The following IARS2 variants were observed in gnomAD, a reference collection of about 807,000 sequenced individuals.
IARS2 encodes isoleucyl-tRNA synthetase 2, mitochondrial.
A neutral mutation model predicts 126.3 loss-of-function variants in IARS2; 56 were observed. The ratio of observed to expected loss-of-function variants is 0.44; its 90% CI spans 0.36 to 0.55. IARS2 has a LOEUF of 0.55. Ranked by LOEUF, IARS2 falls within the 20% of genes least tolerant of loss-of-function variation. The probability of loss-of-function intolerance (pLI) is 0.00; values close to 1 mark genes in which losing one functional copy is unlikely to be tolerated. For synonymous variants in IARS2, 407 were observed against 441.1 expected, an observed-to-expected ratio of 0.92 and a Z score of 0.97; for missense variants, 1,127 against 1,245.9, an observed-to-expected ratio of 0.90 and a Z score of 1.44.
At chr1:220,104,388 C>G (rs1656638870) in intron 8 of IARS2, among the ~76,000 whole-genome samples, 1 of 151,954 alleles carries the variant, frequency 6.6e-6, no homozygotes, top group African/African-American at 2.4e-5. Context: ...TGTTGTTGTT[C>G]TTCATTTTGT....
intron 2 of IARS2, among the ~76,000 whole-genome samples, chr1:220,098,923 A>G (rs1356374517): frequency 6.6e-6 from 1 of 152,194 alleles, no homozygotes; most frequent in Non-Finnish European, 1.5e-5. Flanking sequence ...TAGAAATACA[A>G]TGCAAGCGGC....
chr1:220,136,804 T>C lies in IARS2; in HGVS notation c.1947-5T>C. 1 of 1,510,252 alleles carries C rather than the reference T, an allele frequency of 6.6e-7. No homozygotes were observed. The highest frequency in any genetic ancestry group is 9.2e-7 in the Non-Finnish European group (1 of 1,088,324). 93.6% of individuals were successfully genotyped at this position (1,510,252 alleles called of 1,614,324 possible). ...ATCATTAAAATAGCTGATTTGTCCCTTTAGGACAGTGATTGTTCATGGATT... is the reference window on the plus strand; with the variant it reads ...ATCATTAAAATAGCTGATTTGTCCCCTTAGGACAGTGATTGTTCATGGATT... On this transcript the variant is annotated splice_polypyrimidine_tract_variant and splice_region_variant and intron_variant, in intron 15 of 22. Coordinates refer to ENST00000366922, the MANE Select transcript of IARS2 (RefSeq NM_018060.4).
At chr1:220,142,865 G>A (rs1296256897) in intron 20 of IARS2, 79 bp from the exon 21 acceptor site, 10 of 893,478 alleles carry the variant, frequency 1.1e-5, no homozygotes, top group Non-Finnish European at 1.6e-5. Context: ...TCCCATTAAT[G>A]GTAACTATTT....
At position 220,115,681 on chromosome 1, in the gene IARS2, TG is replaced by T. The variant is rs373071235; in HGVS notation, c.1640+1208del. On this transcript the variant is annotated intron_variant, in intron 12 of 22. Transcript: ENST00000366922. ...TCTTTTATCCCGAACAGCTCCCTTT[TG>T]TGCTTTTCGAAAGAGAAGTTGCTTG... is the stretch of plus-strand genomic sequence containing the variant. Among the ~76,000 whole-genome samples the T allele has an allele frequency of 4.7e-3, 708 of 152,244 alleles. 6 individuals are homozygous for T. Among genetic ancestry groups the T allele is most frequent in the African/African-American group, 0.016 (675 of 41,570 alleles).
chr1:220,134,530 C>T lies in IARS2; in HGVS notation c.1946+20C>T, dbSNP rs1421247867. Reference sequence around the variant, plus strand: ...TTATAAGTAAGTATTTATGCCTGAACCAACCTGCTGAGTACCTGCCAGTGT... The same window carrying T: ...TTATAAGTAAGTATTTATGCCTGAATCAACCTGCTGAGTACCTGCCAGTGT... On this transcript the variant is annotated intron_variant, in intron 15 of 22. Coordinates refer to ENST00000366922, the MANE Select transcript of IARS2 (RefSeq NM_018060.4). 1.3e-6 allele frequency: 2 copies of T among 1,509,366 alleles called. No individual in the cohort carries two copies. The highest frequency in any genetic ancestry group is 1.8e-6 in the Non-Finnish European group (2 of 1,090,912). The allele number at this position is 1,509,366 out of a possible 1,614,324, so 93.5% of individuals were successfully genotyped here. A position where few individuals can be genotyped will look rare whatever the true frequency, so the allele number is the denominator to read the frequency against.
chr1:220,136,819 G>C lies in IARS2; in HGVS notation c.1957G>C (p.Val653Leu). Residue 653 changes from valine to leucine, a missense_variant, in exon 16 of 23, where the codon GTT becomes CTT. Coordinates refer to ENST00000366922, the MANE Select transcript of IARS2 (RefSeq NM_018060.4). Reference protein sequence around the residue: ...RKRAPYKTVIVHGFTLGEKGE... With the variant: ...RKRAPYKTVILHGFTLGEKGE... ...GATTTGTCCCTTTAGGACAGTGATTGTTCATGGATTTACCCTTGGAGAAAA... is the reference window on the plus strand; with the variant it reads ...GATTTGTCCCTTTAGGACAGTGATTCTTCATGGATTTACCCTTGGAGAAAA... 1 of 1,587,764 alleles carries C rather than the reference G, an allele frequency of 6.3e-7. No homozygotes were observed. Among genetic ancestry groups the C allele is most frequent in the East Asian group, 2.2e-5 (1 of 44,670 alleles).
intron 13 of IARS2, among the ~76,000 whole-genome samples, chr1:220,126,415 A>G (rs553718208): frequency 6.6e-6 from 1 of 152,368 alleles, no homozygotes; most frequent in Admixed American, 6.5e-5. Flanking sequence ...GTTAGAGAAC[A>G]GTGCCTAATG....
chr1:220,096,459 G>A (rs932727601), intron 2 of IARS2, among the ~76,000 whole-genome samples: 4 of 152,018 alleles, frequency 2.6e-5, no homozygotes, highest in African/African-American at 4.8e-5. Flanking sequence ...CATAATTATC[G>A]GGCGAGGCAT....
At chr1:220,129,008 G>A (rs1433817010) in intron 14 of IARS2, among the ~76,000 whole-genome samples, 2 of 151,624 alleles carry the variant, frequency 1.3e-5, no homozygotes, top group African/African-American at 4.9e-5. Context: ...TCTGCCTCCT[G>A]AGTAGCTGGG....
At chr1:220,143,930 TTTA>T (rs1657536416) in intron 21 of IARS2, 1 of 1,115,698 alleles carries the variant, frequency 9.0e-7, no homozygotes, top group Non-Finnish European at 1.3e-6. Flanking sequence ...CACGGGGCAT[TTTA>T]TTTGTAAATA....
intron 14 of IARS2, among the ~76,000 whole-genome samples, chr1:220,132,234 G>T (rs551146839): frequency 2.9e-4 from 44 of 152,262 alleles, no homozygotes; most frequent in African/African-American, 9.4e-4. Context: ...CCTCTTCGAT[G>T]CTCTGGAGTA....
intron 11 of IARS2, among the ~76,000 whole-genome samples, chr1:220,111,368 T>C (rs562737311): frequency 6.6e-6 from 1 of 152,264 alleles, no homozygotes; most frequent in African/African-American, 2.4e-5. Flanking sequence ...TAAAACTTTT[T>C]TAAACCCTTT....
Position 220,094,195 on chromosome 1 carries a change from C to T in IARS2, c.-22C>T, listed in dbSNP as rs768531507. ...AAGCTGGGGCGGGAGCGGAGGACCC[C>T]GCTCTCAGGGGTTGCCGGACCATGC... is the stretch of plus-strand genomic sequence containing the variant. On this transcript the variant is annotated 5_prime_UTR_variant, in exon 1 of 23. Transcript: ENST00000366922. The T allele has an allele frequency of 1.2e-5, 19 of 1,533,212 alleles. No homozygotes were observed. The highest frequency in any genetic ancestry group is 1.7e-5 in the Non-Finnish European group (19 of 1,144,394). 95.0% of individuals were successfully genotyped at this position (1,533,212 alleles called of 1,614,324 possible). A position where few individuals can be genotyped will look rare whatever the true frequency, so the allele number is the denominator to read the frequency against.
intron 14 of IARS2, among the ~76,000 whole-genome samples, chr1:220,127,958 T>G (rs1374936759): frequency 6.6e-6 from 1 of 152,182 alleles, no homozygotes; most frequent in African/African-American, 2.4e-5. Context: ...GGTACTTGGT[T>G]TCCCTAAATT....
chr1:220,121,157 T>A (rs1657043196), intron 12 of IARS2, among the ~76,000 whole-genome samples: 2 of 152,198 alleles, frequency 1.3e-5, no homozygotes, highest in African/African-American at 4.8e-5. Context: ...ATTGGATTTT[T>A]AAAAATAATT....
In IARS2 at chr1:220,105,916, C is replaced by A; in HGVS notation, c.1092C>A (p.Cys364Ter). 1 of 1,613,952 alleles carries A rather than the reference C, an allele frequency of 6.2e-7. No homozygotes were observed. The highest frequency in any genetic ancestry group is 8.5e-7 in the Non-Finnish European group (1 of 1,179,884). ...GTGTAGATTTGGAAAATGGTACTTG[C>A]AGTCATCCATTAATTCCTGATAAAG... ...LSGVDLENGT[C>*]SHPLIPDKAS... Residue 364 changes from cysteine (C) to a stop codon, truncating the protein, a stop_gained, in exon 9 of 23, where the codon TGC (cysteine) becomes TGA (stop). Transcript: ENST00000366922. LOFTEE classifies it high-confidence loss of function.
chr1:220,100,391 TTATG>T (rs1317347549), intron 2 of IARS2, 95 bp from the exon 3 acceptor site: 2 of 1,012,828 alleles, frequency 2.0e-6, no homozygotes, highest in East Asian at 5.3e-5. Context: ...GCCAAATATT[TTATG>T]TATGAATGCT....
chr1:220,108,320 C>T (rs768185640), intron 10 of IARS2, among the ~76,000 whole-genome samples: 1 of 151,724 alleles, frequency 6.6e-6, no homozygotes, highest in African/African-American at 2.4e-5. Flanking sequence ...CCTTAGCCTC[C>T]CAAAGTGCTG....
chr1:220,103,051 T>G (rs998140369), intron 7 of IARS2, among the ~76,000 whole-genome samples: 8 of 152,188 alleles, frequency 5.3e-5, no homozygotes, highest in South Asian at 4.1e-4. Context: ...TTTCTTTTTT[T>G]TTTTGGAGAC....
Sources: allele counts gnomAD v4.1 joint callset (sites outside exome capture counted in the v4.1 genomes callset), GRCh38; gene constraint gnomAD v4.1.1; transcripts MANE v1.5; gene names NCBI Gene and HGNC (gene_info 2026-07-23, HGNC 2026-07-21).